Variants in PRKCE observed in about 807,000 individuals in gnomAD.
The protein encoded by PRKCE is protein kinase C epsilon.
Under a neutral mutation model 85.4 loss-of-function variants are expected in PRKCE, and 16 were observed. The observed-to-expected ratio is 0.19, with a 90% CI of 0.13 to 0.28. The LOEUF (loss-of-function observed/expected upper bound fraction) is 0.28, where lower values mean the gene tolerates loss of function less well. PRKCE is among the 10% of genes least tolerant of loss of function. The pLI is 1.00. For missense variants in PRKCE, 573 were observed against 975.2 expected, an observed-to-expected ratio of 0.59 and a Z score of 5.49; for synonymous variants, 388 against 371.5, an observed-to-expected ratio of 1.04 and a Z score of -0.51.
At chr2:45,825,704 C>T (rs534007807) in intron 1 of PRKCE, among the ~76,000 whole-genome samples, 18 of 152,080 alleles carry the variant, frequency 1.2e-4, no homozygotes, top group African/African-American at 2.9e-4. Context: ...GGTAACGTAG[C>T]GAGACCCTAT....
intron 12 of PRKCE, among the ~76,000 whole-genome samples, chr2:46,147,015 C>G (rs1676132486): frequency 6.6e-6 from 1 of 152,106 alleles, no homozygotes; most frequent in African/African-American, 2.4e-5. Context: ...GATCAGAAGG[C>G]AGGGAGTGAG....
chr2:45,795,460 C>A (rs528616315), intron 1 of PRKCE, among the ~76,000 whole-genome samples: 1 of 152,220 alleles, frequency 6.6e-6, no homozygotes, highest in African/African-American at 2.4e-5. Flanking sequence ...AGGTGCCCAC[C>A]ACCACGCCTG....
At chr2:45,676,415 G>T (rs1431705183) in intron 1 of PRKCE, among the ~76,000 whole-genome samples, 2 of 152,212 alleles carry the variant, frequency 1.3e-5, no homozygotes, top group Non-Finnish European at 2.9e-5. Context: ...ATTTCTTAAA[G>T]GATACAGAGC....
At chr2:46,010,790 C>A in intron 10 of PRKCE, 2 of 1,591,906 alleles carry the variant, frequency 1.3e-6, no homozygotes, top group Non-Finnish European at 1.7e-6. Flanking sequence ...TCACTGTTTG[C>A]TCATTGGAAA....
At chr2:45,805,939 C>T (rs1367918561) in intron 1 of PRKCE, among the ~76,000 whole-genome samples, 3 of 152,176 alleles carry the variant, frequency 2.0e-5, no homozygotes, top group African/African-American at 7.2e-5. Context: ...TCCTGTTTTA[C>T]ACAGAAAGAA....
chr2:45,943,014 G>A lies in PRKCE; in HGVS notation c.413-33415G>A, dbSNP rs1699995226. On this transcript the variant is annotated intron_variant, in intron 2 of 14. Transcript: ENST00000306156. ...TTAGAAGTGTTGCACAAATACATGTGATCATAATTCCCATTTATTTCACAT... is the reference window on the plus strand; with the variant it reads ...TTAGAAGTGTTGCACAAATACATGTAATCATAATTCCCATTTATTTCACAT... 2.6e-5 allele frequency among the ~76,000 whole-genome samples: 4 copies of A among 152,232 alleles called. No homozygotes were observed. In the South Asian group the frequency reaches 8.3e-4, roughly 32 times the overall value.
At chr2:45,906,557 C>A (rs1696989428) in intron 2 of PRKCE, among the ~76,000 whole-genome samples, 1 of 152,214 alleles carries the variant, frequency 6.6e-6, no homozygotes, top group African/African-American at 2.4e-5. Flanking sequence ...CCCCAAACAC[C>A]TTTCCTCTGG....
In PRKCE at chr2:45,961,021, C is replaced by T. The variant is rs190668496; in HGVS notation, c.413-15408C>T. On this transcript the variant is annotated intron_variant, in intron 2 of 14. Transcript: ENST00000306156. ...CAGAGGGGCTGGAAGCAAGAGGGAT[C>T]ACTTTATTTTTTAGAATACCAGGAC... Among the ~76,000 whole-genome samples the T allele has an allele frequency of 7.9e-5, 12 of 152,286 alleles. No individual in the cohort carries two copies. In the East Asian group the frequency reaches 1.9e-3, roughly 24 times the overall value.
intron 2 of PRKCE, among the ~76,000 whole-genome samples, chr2:45,937,792 T>C (rs1467367934): frequency 6.6e-6 from 1 of 152,182 alleles, no homozygotes; most frequent in Non-Finnish European, 1.5e-5. Context: ...GAACGCCTAC[T>C]GTGTACCTGG....
At position 46,021,738 on chromosome 2, in the gene PRKCE, C is replaced by T. The variant is rs183000850; in HGVS notation, c.1437+11221C>T. On this transcript the variant is annotated intron_variant, in intron 10 of 14. Transcript: ENST00000306156. ...AACTAGAGGTCTAAGTTATCTAACC[C>T]GGTCACCAAACAAAGCCAGTTTCCT... Among the ~76,000 whole-genome samples the T allele has an allele frequency of 2.8e-3, 426 of 152,280 alleles. 1 individual carries two copies. The highest frequency in any genetic ancestry group is 0.021 in the South Asian group (99 of 4,824).
At chr2:45,981,348 G>A (rs918014792) in intron 5 of PRKCE, among the ~76,000 whole-genome samples, 1 of 152,182 alleles carries the variant, frequency 6.6e-6, no homozygotes, top group Admixed American at 6.5e-5. Context: ...GCCTTGGGTA[G>A]GTTTATAATC....
At chr2:45,781,569 C>T (rs1052372837) in intron 1 of PRKCE, among the ~76,000 whole-genome samples, 4 of 152,168 alleles carry the variant, frequency 2.6e-5, no homozygotes, top group Non-Finnish European at 5.9e-5. Flanking sequence ...ACCTTTGAAA[C>T]AGGTGCAGGG....
intron 11 of PRKCE, among the ~76,000 whole-genome samples, chr2:46,136,560 T>G (rs6724315): frequency 1.3e-5 from 2 of 151,994 alleles, no homozygotes; most frequent in African/African-American, 4.8e-5. Context: ...CACCCCACCT[T>G]AAGTTCTTTA....
Position 45,768,322 on chromosome 2 carries a change from A to G in PRKCE, c.349-74678A>G, listed in dbSNP as rs1374805538. Reference sequence around the variant, plus strand: ...TCCTGGCCTGGCTCTAATTATCTACAGAGACATCTGATTAACTCCAAATGA... The same window carrying G: ...TCCTGGCCTGGCTCTAATTATCTACGGAGACATCTGATTAACTCCAAATGA... On this transcript the variant is annotated intron_variant, in intron 1 of 14. Coordinates refer to ENST00000306156, the MANE Select transcript of PRKCE (RefSeq NM_005400.3). 3.3e-5 allele frequency among the ~76,000 whole-genome samples: 5 copies of G among 152,240 alleles called. No homozygotes were observed. The South Asian group carries it at 1.0e-3, about 31-fold the overall frequency.
At chr2:45,900,471 G>T (rs1317917790) in intron 2 of PRKCE, among the ~76,000 whole-genome samples, 1 of 152,310 alleles carries the variant, frequency 6.6e-6, no homozygotes, top group South Asian at 2.1e-4. Flanking sequence ...CTACGCCATG[G>T]ACAAACTTTG....
intron 2 of PRKCE, among the ~76,000 whole-genome samples, chr2:45,944,650 G>A (rs1700112693): frequency 9.2e-6 from 1 of 108,418 alleles, no homozygotes; most frequent in South Asian, 3.5e-4. Context: ...CACCATACCC[G>A]GCTAATTTTT....
chr2:45,672,114 A>G (rs1676197766), intron 1 of PRKCE, among the ~76,000 whole-genome samples: 1 of 152,038 alleles, frequency 6.6e-6, no homozygotes, highest in Non-Finnish European at 1.5e-5. Context: ...GTAGAGACAG[A>G]AAAAGTATGA....
At chr2:45,760,992 T>C (rs1684426146) in intron 1 of PRKCE, among the ~76,000 whole-genome samples, 1 of 152,118 alleles carries the variant, frequency 6.6e-6, no homozygotes, top group South Asian at 2.1e-4. Flanking sequence ...CTTTGACATG[T>C]TCTCAAGGAG....
At chr2:45,991,101 G>C (rs1374380466) in intron 6 of PRKCE, among the ~76,000 whole-genome samples, 2 of 151,578 alleles carry the variant, frequency 1.3e-5, no homozygotes, top group East Asian at 3.9e-4. Flanking sequence ...CTGCCTCCTG[G>C]GTTCAAGTGA....
Sources: allele counts gnomAD v4.1 joint callset (sites outside exome capture counted in the v4.1 genomes callset), GRCh38; gene constraint gnomAD v4.1.1; transcripts MANE v1.5; gene names NCBI Gene and HGNC (gene_info 2026-07-23, HGNC 2026-07-21).